The following TMEM200A variants were observed in gnomAD, a reference collection of about 807,000 sequenced individuals.
TMEM200A encodes two transmembrane C.
TMEM200A carries 12 observed loss-of-function variants against 24.3 expected under a neutral mutation model. That is an observed-to-expected ratio of 0.49 (90% CI 0.32 to 0.80). The LOEUF (loss-of-function observed/expected upper bound fraction) is 0.80. Ranked by LOEUF, TMEM200A falls within the 30% of genes least tolerant of loss-of-function variation. TMEM200A has a pLI of 0.04. For synonymous variants in TMEM200A, 224 were observed against 224.4 expected, an observed-to-expected ratio of 1.00 and a Z score of 0.02; for missense variants, 545 against 614.4, an observed-to-expected ratio of 0.89 and a Z score of 1.19.
intron 2 of TMEM200A, among the ~76,000 whole-genome samples, chr6:130,405,870 T>C (rs1562561291): frequency 6.6e-6 from 1 of 152,184 alleles, no homozygotes; most frequent in Non-Finnish European, 1.5e-5. Context: ...AACACTTCAC[T>C]GGCAGGTTGC....
At chr6:130,400,555 C>A (rs1484691803) in intron 2 of TMEM200A, among the ~76,000 whole-genome samples, 1 of 151,296 alleles carries the variant, frequency 6.6e-6, no homozygotes, top group South Asian at 2.1e-4. Flanking sequence ...CTTTAACTGG[C>A]ACTGTTTTCA....
intron 2 of TMEM200A, among the ~76,000 whole-genome samples, chr6:130,409,134 A>G (rs537878654): frequency 6.6e-6 from 1 of 152,222 alleles, no homozygotes; most frequent in African/African-American, 2.4e-5. Context: ...CCAAGGCTTC[A>G]TGGTGGTCTA....
chr6:130,405,129 T>C (rs943580747), intron 2 of TMEM200A, among the ~76,000 whole-genome samples: 3 of 152,220 alleles, frequency 2.0e-5, no homozygotes, highest in Non-Finnish European at 4.4e-5. Flanking sequence ...AGGATTGCCT[T>C]GGCTATTGGA....
chr6:130,435,565 A>G lies in TMEM200A; in HGVS notation c.-16-4842A>G, dbSNP rs77480604. 2.5e-4 allele frequency among the ~76,000 whole-genome samples: 38 copies of G among 152,326 alleles called. No individual in the cohort carries two copies. The South Asian group carries it at 6.4e-3, about 26-fold the overall frequency. ...AAAGAGGTCTGTAGTGGAATATCAC[A>G]GAGCTTTCTTTGCTCTATACTTTCT... On this transcript the variant is annotated intron_variant, in intron 2 of 2. Transcript: ENST00000296978.
intron 2 of TMEM200A, among the ~76,000 whole-genome samples, chr6:130,436,171 A>T (rs1780003068): frequency 6.6e-6 from 1 of 152,068 alleles, no homozygotes; most frequent in South Asian, 2.1e-4. Flanking sequence ...TAGCTGTGTG[A>T]CTCTAGGCAA....
intron 1 of TMEM200A, among the ~76,000 whole-genome samples, chr6:130,369,305 T>A (rs1031133268): frequency 4.6e-5 from 7 of 152,198 alleles, no homozygotes; most frequent in Non-Finnish European, 1.0e-4. Context: ...AAAGCACATC[T>A]GCACCAGTAT....
At chr6:130,409,840 G>T (rs1000751580) in intron 2 of TMEM200A, among the ~76,000 whole-genome samples, 12 of 144,844 alleles carry the variant, frequency 8.3e-5, no homozygotes, top group Non-Finnish European at 1.8e-4. Flanking sequence ...CTGTCTCTCA[G>T]TTTTTTTTTT....
chr6:130,428,065 C>A (rs1015135174), intron 2 of TMEM200A, among the ~76,000 whole-genome samples: 1 of 152,128 alleles, frequency 6.6e-6, no homozygotes, highest in African/African-American at 2.4e-5. Context: ...TTATTGTTAT[C>A]TTAGGCGTCC....
chr6:130,441,197 C>T lies in TMEM200A; in HGVS notation c.775C>T (p.Pro259Ser), dbSNP rs769121987. Residue 259 changes from proline (P) to serine (S), a missense_variant, in exon 3 of 3, where the codon CCA becomes TCA. Transcript: ENST00000296978. ...DSSVSVFGLY[P>S]PPSKTTDDKT... ...CTCTGTGTCTGTCTTTGGCCTCTAT[C>T]CACCTCCTTCCAAGACAACTGATGA... The T allele has an allele frequency of 1.9e-6, 3 of 1,613,966 alleles. No homozygotes were observed. The highest frequency in any genetic ancestry group is 2.5e-6 in the Non-Finnish European group (3 of 1,179,970).
intron 2 of TMEM200A, among the ~76,000 whole-genome samples, chr6:130,396,177 T>C (rs1344581951): frequency 6.6e-6 from 1 of 152,194 alleles, no homozygotes; most frequent in Admixed American, 6.5e-5. Flanking sequence ...TTCTAATGCT[T>C]ATGAACATGG....
At chr6:130,420,937 G>C (rs1779568221) in intron 2 of TMEM200A, among the ~76,000 whole-genome samples, 1 of 152,094 alleles carries the variant, frequency 6.6e-6, no homozygotes, top group African/African-American at 2.4e-5. Context: ...GATCCTAGAG[G>C]ACATGCTGGA....
At chr6:130,369,703 G>C (rs1778271898) in intron 1 of TMEM200A, among the ~76,000 whole-genome samples, 1 of 152,274 alleles carries the variant, frequency 6.6e-6, no homozygotes, top group South Asian at 2.1e-4. Flanking sequence ...GGATTCTGGG[G>C]CCACTGTATC....
At chr6:130,402,273 A>C (rs979069364) in intron 2 of TMEM200A, among the ~76,000 whole-genome samples, 1 of 152,082 alleles carries the variant, frequency 6.6e-6, no homozygotes, top group African/African-American at 2.4e-5. Context: ...CACAACAAAC[A>C]ATTTCCAAGA....
At chr6:130,426,076 T>C (rs1490170915) in intron 2 of TMEM200A, among the ~76,000 whole-genome samples, 1 of 152,202 alleles carries the variant, frequency 6.6e-6, no homozygotes, top group East Asian at 1.9e-4. Context: ...CTCTCCCTTG[T>C]CATAAACTCA....
chr6:130,407,813 C>G (rs1184868864), intron 2 of TMEM200A, among the ~76,000 whole-genome samples: 1 of 152,200 alleles, frequency 6.6e-6, no homozygotes, highest in Non-Finnish European at 1.5e-5. Context: ...CTGACTCTCA[C>G]AAACTTTGAA....
chr6:130,417,171 A>C (rs1185300835), intron 2 of TMEM200A, among the ~76,000 whole-genome samples: 1 of 152,186 alleles, frequency 6.6e-6, no homozygotes, highest in African/African-American at 2.4e-5. Flanking sequence ...TCATCATTTT[A>C]TCCCTGGGCC....
chr6:130,367,783 A>AT (rs1313763817), intron 1 of TMEM200A, among the ~76,000 whole-genome samples: 6 of 152,270 alleles, frequency 3.9e-5, no homozygotes, highest in Admixed American at 2.0e-4. Context: ...TAACAGTATG[A>AT]TTTTTTTACT....
chr6:130,441,652 G>T lies in TMEM200A; in HGVS notation c.1230G>T (p.Gln410His). Reference sequence around the variant, plus strand: ...GGGGTCCCTCCACTCTAACTGTTCAGGCAGAACAACGGAAACATCCAAGTT... The same window carrying T: ...GGGGTCCCTCCACTCTAACTGTTCATGCAGAACAACGGAAACATCCAAGTT... Reference protein sequence around the residue: ...LDRGPSTLTVQAEQRKHPSWP... With the variant: ...LDRGPSTLTVHAEQRKHPSWP... The change falls in exon 3 of 3, where the codon CAG (glutamine) becomes CAT (histidine). Residue 410 changes from glutamine to histidine, a missense_variant. Physicochemically the swap from Gln to His is conservative, Grantham distance 24. Coordinates refer to ENST00000296978, the MANE Select transcript of TMEM200A (RefSeq NM_001258277.2). 1 of 1,614,004 alleles carries T rather than the reference G, an allele frequency of 6.2e-7. No individual in the cohort carries two copies. The highest frequency in any genetic ancestry group is 8.5e-7 in the Non-Finnish European group (1 of 1,180,002).
chr6:130,403,592 T>C (rs1040192828), intron 2 of TMEM200A, among the ~76,000 whole-genome samples: 1 of 152,090 alleles, frequency 6.6e-6, no homozygotes, highest in African/African-American at 2.4e-5. Context: ...GGATCATCTA[T>C]AGTTTTTGAG....
Sources: gnomAD v4.1 joint callset for allele counts (sites outside exome capture counted in the v4.1 genomes callset) on GRCh38, gnomAD v4.1.1 for gene constraint, MANE v1.5 for transcripts, NCBI Gene and HGNC (gene_info 2026-07-23, HGNC 2026-07-21) for gene names.